WHRN: variants seen among roughly 807,000 people sequenced by gnomAD.
WHRN encodes whirlin.
WHRN carries 41 observed loss-of-function variants against 68.3 expected under a neutral mutation model. The ratio of observed to expected loss-of-function variants is 0.60; its 90% CI spans 0.47 to 0.78. WHRN has a LOEUF of 0.78. Ranked by LOEUF, WHRN falls within the 30% of genes least tolerant of loss-of-function variation. WHRN has a pLI of 0.00. For synonymous variants in WHRN, 560 were observed against 561.3 expected (o/e 1.00, Z 0.03); for missense variants, 1,243 against 1,244.7 (o/e 1.00, Z 0.02).
chr9:114,497,282 C>T (rs79230701), intron 1 of WHRN, among the ~76,000 whole-genome samples: 1 of 152,026 alleles, frequency 6.6e-6, no homozygotes, highest in Non-Finnish European at 1.5e-5. Flanking sequence ...AAAATCATGA[C>T]GAAACTGGCT....
At chr9:114,483,290 G>A (rs1842232163) in intron 1 of WHRN, among the ~76,000 whole-genome samples, 1 of 152,152 alleles carries the variant, frequency 6.6e-6, no homozygotes, top group South Asian at 2.1e-4. Context: ...TCAGAATCCT[G>A]CAGGAACAGC....
chr9:114,430,149 C>A (rs934895963), intron 3 of WHRN, among the ~76,000 whole-genome samples: 3 of 152,158 alleles, frequency 2.0e-5, no homozygotes, highest in Admixed American at 6.5e-5. Context: ...TACGGAAGGG[C>A]ATCCTTCTGT....
At chr9:114,490,147 T>C (rs1172834865) in intron 1 of WHRN, among the ~76,000 whole-genome samples, 2 of 152,356 alleles carry the variant, frequency 1.3e-5, no homozygotes, top group Non-Finnish European at 2.9e-5. Flanking sequence ...TTCCTTGCGC[T>C]GCTGCATCCC....
intron 7 of WHRN, 107 bp from the exon 8 acceptor site, chr9:114,408,125 G>A: frequency 1.1e-6 from 1 of 882,702 alleles, no homozygotes; most frequent in South Asian, 1.4e-5. Context: ...ACCTCCATGT[G>A]GTTCATGTGA....
At chr9:114,468,724 G>A (rs533233491) in intron 2 of WHRN, among the ~76,000 whole-genome samples, 5 of 152,016 alleles carry the variant, frequency 3.3e-5, no homozygotes, top group Non-Finnish European at 7.3e-5. Context: ...GCAAGCAGGA[G>A]ACCCACATGC....
At chr9:114,494,997 G>A (rs1843329933) in intron 1 of WHRN, among the ~76,000 whole-genome samples, 1 of 152,208 alleles carries the variant, frequency 6.6e-6, no homozygotes, top group African/African-American at 2.4e-5. Context: ...GAGGTGAGCA[G>A]GCAGGTCCTC....
chr9:114,423,039 A>G (rs1836452545), intron 7 of WHRN, among the ~76,000 whole-genome samples: 1 of 151,216 alleles, frequency 6.6e-6, no homozygotes, highest in African/African-American at 2.4e-5. Context: ...TTTTTTTTTA[A>G]CCTTTCTCCC....
chr9:114,456,826 C>A (rs1156885766), intron 3 of WHRN, among the ~76,000 whole-genome samples: 22 of 141,288 alleles, frequency 1.6e-4, no homozygotes, highest in Middle Eastern at 3.7e-3. Flanking sequence ...AAGACTATCT[C>A]AAAAAAAAAA....
chr9:114,433,841 C>A (rs1196936718), intron 3 of WHRN, among the ~76,000 whole-genome samples: 1 of 152,132 alleles, frequency 6.6e-6, no homozygotes, highest in East Asian at 1.9e-4. Flanking sequence ...GTGGATGGAC[C>A]CGGCAAGGCT....
intron 7 of WHRN, among the ~76,000 whole-genome samples, chr9:114,415,518 T>C (rs1293380210): frequency 3.9e-5 from 6 of 152,208 alleles, no homozygotes; most frequent in Admixed American, 3.9e-4. Context: ...ATCTATTGCC[T>C]GGCTGTAGCC....
Position 114,425,404 on chromosome 9 carries a change from G to C in WHRN, c.1167-380C>G. On this transcript the variant is annotated intron_variant, in intron 4 of 11. Coordinates refer to ENST00000362057, the MANE Select transcript of WHRN (RefSeq NM_015404.4). ...GGCCGGTGAACTGGAGATCCCAGAT[G>C]CAACTCGCAGGTGCGGCTCAGCTCC... The C allele has an allele frequency of 1.3e-5, 7 of 556,638 alleles. 1 individual carries two copies. In the South Asian group the frequency reaches 1.5e-4, roughly 12 times the overall value. The allele number at this position is 556,638 out of a possible 1,614,324, so 34.5% of individuals were successfully genotyped here.
At chr9:114,459,971 T>C (rs756589253) in intron 3 of WHRN, among the ~76,000 whole-genome samples, 6 of 152,294 alleles carry the variant, frequency 3.9e-5, no homozygotes, top group Admixed American at 1.3e-4. Flanking sequence ...GACCCCAAGA[T>C]TGGGACATTC....
intron 3 of WHRN, among the ~76,000 whole-genome samples, chr9:114,455,248 C>T (rs1272701334): frequency 6.6e-6 from 1 of 152,030 alleles, no homozygotes; most frequent in African/African-American, 2.4e-5. Context: ...GACAGGGTCT[C>T]ACTCCCGTTG....
Position 114,426,216 on chromosome 9 carries a change from C to T in WHRN, c.1161G>A (p.Ser387=), listed in dbSNP as rs201105262. ...AGCGAGCAGAGTGGCCAGACCCTGC[C>T]GAGTTCGCCATGGTCTCCCTGATCC... ...SSRIRETMAN[S]AGFLGDLTTE... is the part of the protein sequence containing the mutation. The change falls in exon 4 of 12, where the codon TCG becomes TCA. Residue 387 remains serine (S), a synonymous_variant. Transcript: ENST00000362057. 116 of 1,612,176 alleles carry T rather than the reference C, an allele frequency of 7.2e-5. No individual in the cohort carries two copies. In the Admixed American group the frequency reaches 1.3e-3, roughly 19 times the overall value.
intron 3 of WHRN, among the ~76,000 whole-genome samples, chr9:114,451,475 A>G (rs1839326372): frequency 6.6e-6 from 1 of 152,198 alleles, no homozygotes; most frequent in Non-Finnish European, 1.5e-5. Flanking sequence ...GGCCTGCAGC[A>G]AATCATCAAT....
At chr9:114,481,219 G>C (rs1256239700) in intron 1 of WHRN, among the ~76,000 whole-genome samples, 1 of 152,220 alleles carries the variant, frequency 6.6e-6, no homozygotes, top group Non-Finnish European at 1.5e-5. Flanking sequence ...CCTGACATTT[G>C]AGCCTCTCTC....
chr9:114,480,404 A>G lies in WHRN; in HGVS notation c.619-1633T>C, dbSNP rs116245993. Among the ~76,000 whole-genome samples, 1,077 of 152,314 alleles carry G rather than the reference A, an allele frequency of 7.1e-3. 14 individuals carry two copies. The highest frequency in any genetic ancestry group is 0.024 in the African/African-American group (1,003 of 41,566). ...TCAATGTGATGGTACTTTGGAGATG[A>G]GGCCTTTAGGGGGTAACTGGAGTTA... On this transcript the variant is annotated intron_variant, in intron 1 of 11. Coordinates refer to ENST00000362057, the MANE Select transcript of WHRN (RefSeq NM_015404.4).
chr9:114,406,142 A>G (rs1835005729), intron 9 of WHRN, among the ~76,000 whole-genome samples: 2 of 152,224 alleles, frequency 1.3e-5, no homozygotes, highest in African/African-American at 4.8e-5. Flanking sequence ...ATGATGGGGA[A>G]AGCAAGGTGT....
Position 114,504,976 on chromosome 9 carries a change from C to T in WHRN, c.-175G>A. ...TCCTAGGGGGTCGCGGAGACCGCTG[C>T]TAGAGTCCCGGAGGCGCGAAGACGG... On this transcript the variant is annotated 5_prime_UTR_variant, in exon 1 of 12. Transcript: ENST00000362057. 9.2e-6 allele frequency: 9 copies of T among 977,628 alleles called. No individual in the cohort carries two copies. Among genetic ancestry groups the T allele is most frequent in the Non-Finnish European group, 1.2e-5 (9 of 743,394 alleles). The allele number at this position is 977,628 out of a possible 1,614,324, so 60.6% of individuals were successfully genotyped here. A position where few individuals can be genotyped will look rare whatever the true frequency, so the allele number is the denominator to read the frequency against.
Sources: allele counts gnomAD v4.1 joint callset (sites outside exome capture counted in the v4.1 genomes callset), GRCh38; gene constraint gnomAD v4.1.1; transcripts MANE v1.5; gene names NCBI Gene and HGNC (gene_info 2026-07-23, HGNC 2026-07-21).